Variants in ASAP1 observed in about 807,000 individuals in gnomAD.
ASAP1 encodes ArfGAP with SH3 domain, ankyrin repeat and PH domain 1.
A neutral mutation model predicts 145.2 loss-of-function variants in ASAP1; 43 were observed. The observed-to-expected ratio is 0.30, with a 90% CI of 0.23 to 0.38. The LOEUF is 0.38. ASAP1 is among the 10% of genes least tolerant of loss of function. The pLI is 1.00. For missense variants in ASAP1, 1,018 were observed against 1,355.3 expected, an observed-to-expected ratio of 0.75 and a Z score of 3.91; for synonymous variants, 546 against 515.5, an observed-to-expected ratio of 1.06 and a Z score of -0.80.
Position 130,375,552 on chromosome 8 carries a change from GAAA to G in ASAP1, c.60-17412_60-17410del, listed in dbSNP as rs11311647. ...TCCAGTATAAGTTGGACTCTCGAGG[GAAA>G]AAAAAAAAAAGGTCTCCTCCCTCTG... On this transcript the variant is annotated intron_variant, in intron 2 of 29. Coordinates refer to ENST00000518721, the MANE Select transcript of ASAP1 (RefSeq NM_018482.4). 3.5e-5 allele frequency among the ~76,000 whole-genome samples: 5 copies of G among 143,002 alleles called. No individual in the cohort carries two copies. In the Admixed American group the frequency reaches 3.5e-4, roughly 10 times the overall value. The allele number at this position is 143,002 out of a possible 152,430, so 93.8% of individuals were successfully genotyped here. A position where few individuals can be genotyped will look rare whatever the true frequency, so the allele number is the denominator to read the frequency against.
intron 5 of ASAP1, among the ~76,000 whole-genome samples, chr8:130,209,570 G>A (rs930128940): frequency 1.3e-5 from 2 of 151,684 alleles, no homozygotes; most frequent in South Asian, 2.1e-4. Flanking sequence ...AAAAAGAAAG[G>A]CTATTTTCAT....
chr8:130,130,176 A>G (rs1213813115), intron 15 of ASAP1, among the ~76,000 whole-genome samples: 6 of 152,252 alleles, frequency 3.9e-5, no homozygotes, highest in Non-Finnish European at 7.3e-5. Context: ...TGTGGGCCCA[A>G]GCATTTCAAA....
chr8:130,284,811 G>C (rs1228384956), intron 3 of ASAP1, among the ~76,000 whole-genome samples: 3 of 150,412 alleles, frequency 2.0e-5, no homozygotes, highest in Non-Finnish European at 4.4e-5. Flanking sequence ...CTCCTCATGG[G>C]GTAGTAAAAC....
chr8:130,072,756 C>A (rs904214000), intron 27 of ASAP1, among the ~76,000 whole-genome samples: 26 of 139,770 alleles, frequency 1.9e-4, no homozygotes, highest in Non-Finnish European at 3.2e-4. Context: ...TGTAGCCAGT[C>A]AGTCAGAAGT....
At chr8:130,059,068 T>C (rs975972022) in intron 28 of ASAP1, among the ~76,000 whole-genome samples, 2 of 152,166 alleles carry the variant, frequency 1.3e-5, no homozygotes, top group African/African-American at 4.8e-5. Flanking sequence ...ATAGCAGAAG[T>C]ATCCACCATC....
chr8:130,266,102 C>G (rs1193888380), intron 3 of ASAP1, among the ~76,000 whole-genome samples: 1 of 152,090 alleles, frequency 6.6e-6, no homozygotes. Context: ...CTTAGATTCC[C>G]TCCCAAAGTT....
intron 5 of ASAP1, 29 bp downstream of exon 5, chr8:130,214,527 T>C: frequency 3.8e-6 from 6 of 1,560,044 alleles, no homozygotes; most frequent in Non-Finnish European, 5.2e-6. Flanking sequence ...AGGCTGTAAT[T>C]CTTTTTACTC....
chr8:130,395,727 T>C (rs11784783), intron 2 of ASAP1, among the ~76,000 whole-genome samples: 12,965 of 151,680 alleles, frequency 0.085, 633 homozygotes, highest in African/African-American at 0.14. Context: ...AGTGCAGTGA[T>C]GTGACCTCGG....
In ASAP1 at chr8:130,066,614, C is replaced by T. The variant is rs1241408522; in HGVS notation, c.2702-5545G>A. Among the ~76,000 whole-genome samples the T allele has an allele frequency of 1.0e-4, 15 of 145,636 alleles. 1 individual carries two copies. The highest frequency in any genetic ancestry group is 3.6e-4 in the African/African-American group (14 of 39,358). ...TCTCTCTCTCCTTCCTTCCTTGTTT[C>T]TTTTTCTTTCATTCATTCATTCATT... On this transcript the variant is annotated intron_variant, in intron 27 of 29. Transcript: ENST00000518721.
At chr8:130,403,582 T>C (rs1828898856) in intron 1 of ASAP1, among the ~76,000 whole-genome samples, 1 of 143,614 alleles carries the variant, frequency 7.0e-6, no homozygotes, top group Non-Finnish European at 1.5e-5. Flanking sequence ...GTGAGACAGT[T>C]TCACTCGTTG....
chr8:130,224,123 C>A (rs1021601801), intron 4 of ASAP1, among the ~76,000 whole-genome samples: 1 of 152,158 alleles, frequency 6.6e-6, no homozygotes, highest in Non-Finnish European at 1.5e-5. Flanking sequence ...CTGAGCCTGG[C>A]ACATAGTGAA....
At chr8:130,230,003 T>C (rs946787936) in intron 4 of ASAP1, among the ~76,000 whole-genome samples, 1 of 152,026 alleles carries the variant, frequency 6.6e-6, no homozygotes, top group Non-Finnish European at 1.5e-5. Flanking sequence ...AGGTCAAGGA[T>C]GCCGTGAGTG....
At chr8:130,394,026 CAA>C (rs1828405135) in intron 2 of ASAP1, among the ~76,000 whole-genome samples, 6 of 152,068 alleles carry the variant, frequency 3.9e-5, no homozygotes, top group African/African-American at 1.4e-4. Flanking sequence ...GGATGTATGT[CAA>C]CTCAGGACCC....
intron 2 of ASAP1, among the ~76,000 whole-genome samples, chr8:130,374,633 C>A (rs1827394588): frequency 6.6e-6 from 1 of 152,210 alleles, no homozygotes; most frequent in Non-Finnish European, 1.5e-5. Context: ...AAGTTTTGCC[C>A]AGCTCAGCGA....
intron 4 of ASAP1, among the ~76,000 whole-genome samples, chr8:130,231,766 C>G (rs978405532): frequency 1.8e-4 from 27 of 152,190 alleles, no homozygotes; most frequent in African/African-American, 6.3e-4. Context: ...GAACCACATG[C>G]TTCCATTTCT....
intron 6 of ASAP1, among the ~76,000 whole-genome samples, chr8:130,187,520 A>T (rs1363213367): frequency 6.6e-6 from 1 of 151,140 alleles, no homozygotes; most frequent in Non-Finnish European, 1.5e-5. Context: ...GGCTCAATTG[A>T]TCTTCCCACC....
At chr8:130,233,416 G>A (rs2136636839) in intron 4 of ASAP1, among the ~76,000 whole-genome samples, 1 of 152,282 alleles carries the variant, frequency 6.6e-6, no homozygotes. Flanking sequence ...CAAAGCTGGG[G>A]TCAGCTGGGC....
In ASAP1 at chr8:130,207,245, T is replaced by C. The variant is rs1014205651; in HGVS notation, c.405+7311A>G. Among the ~76,000 whole-genome samples, 6 of 152,218 alleles carry C rather than the reference T, an allele frequency of 3.9e-5. No individual in the cohort carries two copies. The East Asian group carries it at 7.7e-4, about 20-fold the overall frequency. On this transcript the variant is annotated intron_variant, in intron 5 of 29. Transcript: ENST00000518721. ...TCCATGAACAACAAATCGTTTGTTATGTCTGGAGTTGGCTTTGATTAGGAA... is the reference window on the plus strand; with the variant it reads ...TCCATGAACAACAAATCGTTTGTTACGTCTGGAGTTGGCTTTGATTAGGAA...
At chr8:130,403,554 C>CTTTTTTTTTTTTTTTTTTTT (rs372481861) in intron 1 of ASAP1, among the ~76,000 whole-genome samples, 1 of 125,398 alleles carries the variant, frequency 8.0e-6, no homozygotes, top group Non-Finnish European at 1.6e-5. Context: ...TTTTCTTTTT[C>CTTTTTTTTTTTTTTTTTTTT]TTTTTTTTTT....
Sources: allele counts gnomAD v4.1 joint callset (sites outside exome capture counted in the v4.1 genomes callset), GRCh38; gene constraint gnomAD v4.1.1; transcripts MANE v1.5; gene names NCBI Gene and HGNC (gene_info 2026-07-23, HGNC 2026-07-21).